LURAP1L: variants seen among roughly 807,000 people sequenced by gnomAD.
LURAP1L encodes the protein leucine rich adaptor protein 1 like, also known as leucine rich adaptor protein 1-like.
Under a neutral mutation model 13.8 loss-of-function variants are expected in LURAP1L, and 12 were observed. That is an observed-to-expected ratio of 0.87 (90% CI 0.56 to 1.41). The LOEUF (loss-of-function observed/expected upper bound fraction) is 1.41. LURAP1L is among the 40% of genes most tolerant of loss of function. The pLI is 0.00. For missense variants in LURAP1L, 375 were observed against 292.9 expected (o/e 1.28, Z -2.04); for synonymous variants, 139 against 119.2 (o/e 1.17, Z -1.08).
At chr9:12,782,194 C>G (rs1378321659) in intron 1 of LURAP1L, among the ~76,000 whole-genome samples, 3 of 152,146 alleles carry the variant, frequency 2.0e-5, no homozygotes, top group Non-Finnish European at 4.4e-5. Context: ...ATATTTTCTC[C>G]CATTTCATGG....
In LURAP1L at chr9:12,775,821, A is replaced by C. The variant is rs1819165512; in HGVS notation, c.106A>C (p.Arg36=). Residue 36 remains arginine, a synonymous_variant, in exon 1 of 2, where the codon AGG becomes CGG. Transcript: ENST00000319264. ...TCTCCGTGGGGAGGAGCCGGTTCCC[A>C]GGGAAAGGGACAGGGACCCCTGCGG... ...RSLRGEEPVP[R]ERDRDPCGGS... 6.2e-7 allele frequency: 1 copy of C among 1,605,082 alleles called. No homozygotes were observed. Among genetic ancestry groups the C allele is most frequent in the Middle Eastern group, 1.7e-4 (1 of 6,024 alleles).
At chr9:12,794,795 G>A (rs1819490139) in intron 1 of LURAP1L, among the ~76,000 whole-genome samples, 3 of 151,814 alleles carry the variant, frequency 2.0e-5, no homozygotes, top group Admixed American at 1.3e-4. Context: ...TCTGCTTGTA[G>A]AAGTGTTTGT....
intron 1 of LURAP1L, among the ~76,000 whole-genome samples, chr9:12,799,780 A>C (rs1819559209): frequency 6.6e-6 from 1 of 150,676 alleles, no homozygotes; most frequent in Non-Finnish European, 1.5e-5. Flanking sequence ...AGGCTGAGGC[A>C]GGAGAATGGC....
chr9:12,797,208 T>C (rs563918014), intron 1 of LURAP1L, among the ~76,000 whole-genome samples: 266 of 152,156 alleles, frequency 1.7e-3, no homozygotes, highest in Non-Finnish European at 2.6e-3. Context: ...GCTTTACTTA[T>C]GGAAACTATA....
At chr9:12,798,739 C>T (rs1211917236) in intron 1 of LURAP1L, among the ~76,000 whole-genome samples, 1 of 152,138 alleles carries the variant, frequency 6.6e-6, no homozygotes, top group Non-Finnish European at 1.5e-5. Context: ...GAATACAGGA[C>T]AATAGGAATA....
chr9:12,821,353 G>C, intron 1 of LURAP1L, 33 bp from the exon 2 acceptor site: 2 of 1,587,798 alleles, frequency 1.3e-6, no homozygotes, highest in Non-Finnish European at 1.7e-6. Context: ...GTGTAAAATG[G>C]CTGGAATATC....
intron 1 of LURAP1L, among the ~76,000 whole-genome samples, chr9:12,788,148 G>GAAGAAAAGAAAGA (rs1819385074): frequency 8.5e-6 from 1 of 117,330 alleles, no homozygotes; most frequent in African/African-American, 3.5e-5. Flanking sequence ...GAAAGAGAAA[G>GAAGAAAAGAAAGA]AAGAAAGAAA....
intron 1 of LURAP1L, among the ~76,000 whole-genome samples, chr9:12,777,805 G>C (rs1297356026): frequency 1.3e-5 from 2 of 152,200 alleles, no homozygotes; most frequent in Non-Finnish European, 2.9e-5. Context: ...TTGTCCTGTA[G>C]AGAAGTCACA....
chr9:12,777,712 C>G (rs928056510), intron 1 of LURAP1L: 2 of 354,274 alleles, frequency 5.6e-6, no homozygotes, highest in Non-Finnish European at 7.9e-6. Flanking sequence ...GAACCCCACC[C>G]TGTCCCAAGG....
intron 1 of LURAP1L, among the ~76,000 whole-genome samples, chr9:12,788,651 A>G (rs1819396888): frequency 6.6e-6 from 1 of 152,060 alleles, no homozygotes; most frequent in African/African-American, 2.4e-5. Flanking sequence ...TATTTATGGA[A>G]CAGAGAGAAT....
chr9:12,808,801 T>C (rs1223601295), intron 1 of LURAP1L, among the ~76,000 whole-genome samples: 1 of 152,226 alleles, frequency 6.6e-6, no homozygotes, highest in African/African-American at 2.4e-5. Context: ...GCTTTAAATG[T>C]TGCTTCTGTT....
intron 1 of LURAP1L, among the ~76,000 whole-genome samples, chr9:12,818,827 T>C (rs1345272972): frequency 4.6e-5 from 7 of 152,120 alleles, no homozygotes; most frequent in East Asian, 3.9e-4. Context: ...TGGGTGGCTA[T>C]TGGGAAATGG....
At chr9:12,821,075 G>C (rs1371142678) in intron 1 of LURAP1L, among the ~76,000 whole-genome samples, 1 of 152,114 alleles carries the variant, frequency 6.6e-6, no homozygotes, top group Non-Finnish European at 1.5e-5. Context: ...TGGCCAAAGA[G>C]AAAATAAATT....
intron 1 of LURAP1L, among the ~76,000 whole-genome samples, chr9:12,806,409 G>A (rs945124640): frequency 2.6e-5 from 4 of 151,200 alleles, no homozygotes; most frequent in Admixed American, 2.6e-4. Flanking sequence ...CTGGGTAGAA[G>A]CAATTTGCAT....
At chr9:12,807,628 T>C (rs1819677697) in intron 1 of LURAP1L, among the ~76,000 whole-genome samples, 1 of 152,226 alleles carries the variant, frequency 6.6e-6, no homozygotes, top group South Asian at 2.1e-4. Flanking sequence ...TTATCCACTT[T>C]GACAGTCTTT....
Position 12,821,522 on chromosome 9 carries a change from G to A in LURAP1L, c.449G>A (p.Cys150Tyr). 1 of 1,614,180 alleles carries A rather than the reference G, an allele frequency of 6.2e-7. No homozygotes were observed. Among genetic ancestry groups the A allele is most frequent in the Non-Finnish European group, 8.5e-7 (1 of 1,180,036 alleles). The change falls in exon 2 of 2, where the codon TGC (cysteine) becomes TAC (tyrosine). Residue 150 changes from cysteine to tyrosine, a missense_variant. Cys to Tyr is a radical substitution (Grantham distance 194, BLOSUM62 -2). Transcript: ENST00000319264. ...SRGSSLSGSL[C>Y]SLLESQSTSL... ...GGCAGCAGCCTCAGTGGCAGCCTGT[G>A]CAGTTTGTTGGAGAGTCAGAGCACC...
rs1243146008 is a variant in LURAP1L, at chr9:12,775,986, G to A, written c.271G>A (p.Glu91Lys). The A allele has an allele frequency of 6.2e-7, 1 of 1,609,280 alleles. No homozygotes were observed. The highest frequency in any genetic ancestry group is 1.1e-5 in the South Asian group (1 of 89,974). Residue 91 changes from glutamate (E) to lysine (K), a missense_variant, in exon 1 of 2, where the codon GAG (glutamate) becomes AAG (lysine). By Grantham distance (56) the Glu-to-Lys change is moderately conservative (BLOSUM62 1). Coordinates refer to ENST00000319264, the MANE Select transcript of LURAP1L (RefSeq NM_203403.2). ...SPRGSHSSAL[E>K]RLETKLHLLR... ...ACGAGGTAGCCACTCTAGCGCCCTG[G>A]AGAGGCTAGAAACCAAGCTTCACCT...
chr9:12,810,414 C>T (rs1205959607), intron 1 of LURAP1L, among the ~76,000 whole-genome samples: 1 of 152,144 alleles, frequency 6.6e-6, no homozygotes, highest in Admixed American at 6.5e-5. Context: ...TAGCCAATGA[C>T]CTCAGTTTTC....
At position 12,822,499 on chromosome 9, in the gene LURAP1L, A is replaced by C. The variant is rs2118561617; in HGVS notation, c.*739A>C. 6.6e-6 allele frequency among the ~76,000 whole-genome samples: 1 copy of C among 152,334 alleles called. No homozygotes were observed. The highest frequency in any genetic ancestry group is 1.9e-4 in the East Asian group (1 of 5,194). On this transcript the variant is annotated 3_prime_UTR_variant, in exon 2 of 2. Transcript: ENST00000319264. ...AAGTATGGAGGCCATTCAAGGCAAA[A>C]ATGTCCTAAATTTAATTGCATTTTG...
Sources: gnomAD v4.1 joint callset for allele counts (sites outside exome capture counted in the v4.1 genomes callset) on GRCh38, gnomAD v4.1.1 for gene constraint, MANE v1.5 for transcripts, NCBI Gene and HGNC (gene_info 2026-07-23, HGNC 2026-07-21) for gene names.